The following C5orf34 variants were observed in gnomAD, a reference collection of about 807,000 sequenced individuals.
The protein encoded by C5orf34 is uncharacterized protein C5orf34.
In C5orf34, 73 loss-of-function variants were observed where a neutral mutation model predicts 78.4. That is an observed-to-expected ratio of 0.93 (90% CI 0.77 to 1.13). C5orf34 has a LOEUF of 1.13. C5orf34 is among the 50% of genes most tolerant of loss of function. The pLI is 0.00. For synonymous variants in C5orf34, 251 were observed against 246.6 expected, an observed-to-expected ratio of 1.02 and a Z score of -0.17; for missense variants, 730 against 732.7, an observed-to-expected ratio of 1.00 and a Z score of 0.04.
At chr5:43,496,478 A>T (rs1489750898) in intron 6 of C5orf34, 1 of 1,544,068 alleles carries the variant, frequency 6.5e-7, no homozygotes, top group Non-Finnish European at 8.7e-7. Context: ...GGTAGTTTTC[A>T]CAACACCTGT....
chr5:43,506,362 C>T lies in C5orf34; in HGVS notation c.318G>A (p.Trp106Ter), dbSNP rs1335775783. The change falls in exon 4 of 13, where the codon TGG (tryptophan) becomes TGA (stop). Residue 106 changes from tryptophan (W) to a stop codon, truncating the protein, a stop_gained. Coordinates refer to ENST00000306862, the MANE Select transcript of C5orf34 (RefSeq NM_198566.4). LOFTEE classifies it high-confidence loss of function. ...HIFIDITEVR[W>*]PSLDTDGTMI... ...TGGTACCATCTGTATCAAGACTGGG[C>T]CATCTCACTTCTGTTATGTCAATGA... 1 of 1,610,322 alleles carries T rather than the reference C, an allele frequency of 6.2e-7. No homozygotes were observed. Among genetic ancestry groups the T allele is most frequent in the Admixed American group, 1.7e-5 (1 of 59,706 alleles).
rs1746109081 is a variant in C5orf34 at position 43,509,031 on chromosome 5, G to A, written c.195+114C>T. On this transcript the variant is annotated intron_variant, in intron 2 of 12. Coordinates refer to ENST00000306862, the MANE Select transcript of C5orf34 (RefSeq NM_198566.4). ...GAGGCAGGAGAATCACTTGAGCCTAGGTGTTCGAGGCTGCAGTGAGCTATG... is the reference window on the plus strand; with the variant it reads ...GAGGCAGGAGAATCACTTGAGCCTAAGTGTTCGAGGCTGCAGTGAGCTATG... The A allele has an allele frequency of 4.0e-6, 3 of 754,916 alleles. No individual in the cohort carries two copies. In the Admixed American group the frequency reaches 7.8e-5, roughly 20 times the overall value. The allele number at this position is 754,916 out of a possible 1,614,324, so 46.8% of individuals were successfully genotyped here.
chr5:43,514,924 G>T lies in C5orf34; in HGVS notation c.-155C>A, dbSNP rs1284489608. ...CCTGCCCACCACTGCTTCTTCAGGG[G>T]TTTCTTCAGTTTGACAAATTACCAG... On this transcript the variant is annotated 5_prime_UTR_variant, in exon 1 of 13. Transcript: ENST00000306862. 5.3e-5 allele frequency: 8 copies of T among 152,174 alleles called. No individual in the cohort carries two copies. The highest frequency in any genetic ancestry group is 1.0e-4 in the Non-Finnish European group (7 of 68,052). 9.4% of individuals were successfully genotyped at this position (152,174 alleles called of 1,614,324 possible).
Position 43,492,596 on chromosome 5 carries a change from T to G in C5orf34, c.1485+124A>C, listed in dbSNP as rs182216944. On this transcript the variant is annotated intron_variant, in intron 9 of 12. Coordinates refer to ENST00000306862, the MANE Select transcript of C5orf34 (RefSeq NM_198566.4). ...TTGCTAGGAAATCCAAAGAGATCAG[T>G]AAAGCTTCTTGACAGATTTTATACT... 1.4e-3 allele frequency: 1,172 copies of G among 834,748 alleles called. 1 individual carries two copies. Among genetic ancestry groups the G allele is most frequent in the Non-Finnish European group, 2.1e-3 (1,100 of 526,566 alleles). The allele number at this position is 834,748 out of a possible 1,614,324, so 51.7% of individuals were successfully genotyped here.
At position 43,508,592 on chromosome 5, in the gene C5orf34, A is replaced by C; in HGVS notation, c.270T>G (p.Pro90=). The C allele has an allele frequency of 6.3e-7, 1 of 1,599,976 alleles. No homozygotes were observed. The highest frequency in any genetic ancestry group is 8.5e-7 in the Non-Finnish European group (1 of 1,170,124). Residue 90 remains proline, a synonymous_variant, in exon 3 of 13, where the codon CCT becomes CCG. Coordinates refer to ENST00000306862, the MANE Select transcript of C5orf34 (RefSeq NM_198566.4). The part of the protein sequence containing the change: ...TCPFLSETII[P]SERKKHIFID... The stretch of plus-strand genomic sequence containing the variant: ...AAAAAATCACCTTTTTTCTTTCAGA[A>C]GGTATGATGGTTTCAGATAAAAAAG...
chr5:43,492,918 G>C, intron 8 of C5orf34, 28 bp from the exon 9 acceptor site: 1 of 1,477,990 alleles, frequency 6.8e-7, no homozygotes, highest in Non-Finnish European at 9.3e-7. Context: ...AAAATAGCAG[G>C]AAATAGAGTT....
intron 4 of C5orf34, among the ~76,000 whole-genome samples, chr5:43,504,928 C>T (rs1481955458): frequency 3.3e-5 from 5 of 152,206 alleles, no homozygotes; most frequent in Non-Finnish European, 7.3e-5. Flanking sequence ...AATGTATACT[C>T]AGAGATTGCC....
chr5:43,506,542 C>T, intron 3 of C5orf34, 148 bp from the exon 4 acceptor site: 1 of 690,514 alleles, frequency 1.4e-6, no homozygotes. Flanking sequence ...AGGGCCAGAT[C>T]TCAGCCTATA....
chr5:43,494,837 G>T (rs539058049), intron 6 of C5orf34, among the ~76,000 whole-genome samples: 1 of 151,232 alleles, frequency 6.6e-6, no homozygotes, highest in Non-Finnish European at 1.5e-5. Flanking sequence ...TGGTCAAGTT[G>T]TTTCCATTAA....
rs1023917002 is a variant in C5orf34, at chr5:43,494,595, C to T, written c.1159G>A (p.Glu387Lys). 1 of 1,588,364 alleles carries T rather than the reference C, an allele frequency of 6.3e-7. No homozygotes were observed. Among genetic ancestry groups the T allele is most frequent in the Non-Finnish European group, 8.6e-7 (1 of 1,162,634 alleles). Residue 387 changes from glutamate (E) to lysine (K), a missense_variant, in exon 7 of 13, where the codon GAG becomes AAG. By Grantham distance (56) the Glu-to-Lys change is moderately conservative (BLOSUM62 1). Coordinates refer to ENST00000306862, the MANE Select transcript of C5orf34 (RefSeq NM_198566.4). ...SIQEGSGKREEKTYSVNNLPP... is the reference protein window; with the variant it reads ...SIQEGSGKREKKTYSVNNLPP... ...AGGTTATTTACTGAGTAAGTTTTCT[C>T]TTCTCTCTGAAAATTAGTTAAAATG...
chr5:43,492,261 C>A lies in C5orf34; in HGVS notation c.1534G>T (p.Gly512Ter), dbSNP rs1159854533. ...TCAATCTGAATTAACTGCTCTTGTC[C>A]ATCAGGAAAAGTTAACTTACACCAA... ...LGWCKLTFPD[G>*]QEQLIQIEHP... Residue 512 changes from glycine (G) to a stop codon, truncating the protein, a stop_gained, in exon 10 of 13, where the codon GGA becomes TGA. Coordinates refer to ENST00000306862, the MANE Select transcript of C5orf34 (RefSeq NM_198566.4). LOFTEE classifies it high-confidence loss of function. 5 of 1,611,948 alleles carry A rather than the reference C, an allele frequency of 3.1e-6. No homozygotes were observed. The highest frequency in any genetic ancestry group is 4.2e-6 in the Non-Finnish European group (5 of 1,178,994).
intron 6 of C5orf34, among the ~76,000 whole-genome samples, chr5:43,500,236 T>A (rs1022872499): frequency 6.6e-6 from 1 of 152,248 alleles, no homozygotes; most frequent in Non-Finnish European, 1.5e-5. Context: ...ATTATGACTT[T>A]TTAATTTACA....
At position 43,492,884 on chromosome 5, in the gene C5orf34, C is replaced by T; in HGVS notation, c.1321G>A (p.Gly441Arg). Residue 441 changes from glycine to arginine, a missense_variant, in exon 9 of 13, where the codon GGG becomes AGG. Physicochemically the swap from Gly to Arg is moderately radical, Grantham distance 125 (BLOSUM62 -2). Coordinates refer to ENST00000306862, the MANE Select transcript of C5orf34 (RefSeq NM_198566.4). ...YRICCWKMVP[G>R]INDSNILPLV... ...GGCAGTATATTGCTATCATTTATCC[C>T]AGGTACCTAAAACCAAGTAAATAAA... 1 of 1,584,614 alleles carries T rather than the reference C, an allele frequency of 6.3e-7. No individual in the cohort carries two copies. Among genetic ancestry groups the T allele is most frequent in the South Asian group, 1.1e-5 (1 of 87,664 alleles).
intron 6 of C5orf34, chr5:43,495,145 T>C: frequency 6.2e-7 from 1 of 1,606,098 alleles, no homozygotes; most frequent in African/African-American, 1.3e-5. Context: ...TGTCCACTGC[T>C]TTGATGACAC....
Position 43,506,176 on chromosome 5 carries a change from G to A in C5orf34, c.504C>T (p.Ala168=). 3.7e-6 allele frequency: 6 copies of A among 1,614,054 alleles called. No homozygotes were observed. The highest frequency in any genetic ancestry group is 2.7e-5 in the African/African-American group (2 of 74,996). Residue 168 remains alanine (A), a synonymous_variant, in exon 4 of 13, where the codon GCC becomes GCT. Transcript: ENST00000306862. ...SAVLSETNNK[A]PKDKLVEKTG... The stretch of plus-strand genomic sequence containing the variant: ...TTTTTTCAACTAGTTTATCTTTTGG[G>A]GCTTTATTATTTGTTTCTGACAACA...
At chr5:43,499,652 T>C (rs1745678235) in intron 6 of C5orf34, among the ~76,000 whole-genome samples, 1 of 152,202 alleles carries the variant, frequency 6.6e-6, no homozygotes, top group Admixed American at 6.5e-5. Flanking sequence ...GCATGTGTAT[T>C]ACAGAAAGTA....
At chr5:43,507,493 A>C (rs971342745) in intron 3 of C5orf34, among the ~76,000 whole-genome samples, 2 of 152,238 alleles carry the variant, frequency 1.3e-5, no homozygotes, top group Non-Finnish European at 2.9e-5. Flanking sequence ...CAGCATCAGC[A>C]ACAAGCTAGG....
intron 11 of C5orf34, chr5:43,490,271 G>A (rs1313232825): frequency 1.7e-5 from 3 of 177,738 alleles, no homozygotes; most frequent in Admixed American, 6.0e-5. Context: ...GAAAGCTTAT[G>A]TTATTAAACC....
chr5:43,492,988 C>T (rs1745349227), intron 8 of C5orf34, 98 bp from the exon 9 acceptor site: 1 of 658,920 alleles, frequency 1.5e-6, no homozygotes, highest in Admixed American at 3.1e-5. Flanking sequence ...GATACTTATT[C>T]AGAAGTCAAA....
Sources: allele counts gnomAD v4.1 joint callset (sites outside exome capture counted in the v4.1 genomes callset), GRCh38; gene constraint gnomAD v4.1.1; transcripts MANE v1.5; gene names NCBI Gene and HGNC (gene_info 2026-07-23, HGNC 2026-07-21).